The following WDR20 variants were observed in gnomAD, a reference collection of about 807,000 sequenced individuals.
WDR20 encodes the protein WD repeat-containing protein 20.
Under a neutral mutation model 38.7 loss-of-function variants are expected in WDR20, and 3 were observed. That is an observed-to-expected ratio of 0.08 (90% CI 0.04 to 0.20). The LOEUF (loss-of-function observed/expected upper bound fraction) is 0.20, where lower values mean the gene tolerates loss of function less well. Ranked by LOEUF, WDR20 falls within the 10% of genes least tolerant of loss-of-function variation. WDR20 has a pLI of 1.00. For synonymous variants in WDR20, 298 were observed against 285.6 expected, an observed-to-expected ratio of 1.04 and a Z score of -0.44; for missense variants, 559 against 727.7, an observed-to-expected ratio of 0.77 and a Z score of 2.67.
At chr14:102,216,394 T>A (rs2063225840), downstream of WDR20, among the ~76,000 whole-genome samples, 1 of 152,118 alleles carries the variant, frequency 6.6e-6, no homozygotes, top group Non-Finnish European at 1.5e-5. Flanking sequence ...CTGGGCTCAG[T>A]GATCCTCCCA....
At chr14:102,157,791 CT>C (rs1287931275) in intron 1 of WDR20, among the ~76,000 whole-genome samples, 1 of 152,116 alleles carries the variant, frequency 6.6e-6, no homozygotes, top group Non-Finnish European at 1.5e-5. Context: ...AGGGCTGAAG[CT>C]TGTGCAAGGC....
Position 102,207,666 on chromosome 14 carries a change from C to T in WDR20, c.433-937C>T, listed in dbSNP as rs180879817. Among the ~76,000 whole-genome samples the T allele has an allele frequency of 4.6e-5, 7 of 152,306 alleles. No individual in the cohort carries two copies. The highest frequency in any genetic ancestry group is 1.3e-4 in the Admixed American group (2 of 15,302). On this transcript the variant is annotated intron_variant, in intron 2 of 2. Transcript: ENST00000342702. The surrounding 1 kb of genome is among the most constrained non-coding windows in gnomAD (Gnocchi z 5.0). ...GATGTGTTCTGGTGATGCGATTTTG[C>T]GCTCAGACGGTCCAGAAAGGGACCG...
chr14:102,202,517 C>A (rs2060633192), intron 2 of WDR20, among the ~76,000 whole-genome samples: 1 of 151,202 alleles, frequency 6.6e-6, no homozygotes, highest in African/African-American at 2.4e-5. Context: ...GTAGCTGGGA[C>A]TACAGGCACC....
intron 1 of WDR20, among the ~76,000 whole-genome samples, chr14:102,150,534 A>G (rs1015249172): frequency 1.3e-5 from 2 of 152,174 alleles, no homozygotes; most frequent in Non-Finnish European, 2.9e-5. Flanking sequence ...CGCATTGTAG[A>G]TTATTGCTCT....
chr14:102,194,161 C>G (rs2059019541), intron 1 of WDR20, among the ~76,000 whole-genome samples: 2 of 152,180 alleles, frequency 1.3e-5, no homozygotes, highest in Non-Finnish European at 2.9e-5. Flanking sequence ...AACTTGTTTT[C>G]TCATCTGTAA....
intron 1 of WDR20, among the ~76,000 whole-genome samples, chr14:102,173,238 G>A (rs889207909): frequency 2.0e-5 from 3 of 150,896 alleles, no homozygotes; most frequent in African/African-American, 7.3e-5. Context: ...TCAGCCTCAC[G>A]AGCAGTTGGA....
chr14:102,213,034 C>T (rs546952590), downstream of WDR20: 43 of 990,392 alleles, frequency 4.3e-5, no homozygotes, highest in African/African-American at 4.7e-4. Flanking sequence ...GGCAAGGGGG[C>T]GAGCTGGTCC....
chr14:102,196,724 T>C (rs1159842753), intron 2 of WDR20, among the ~76,000 whole-genome samples: 1 of 152,182 alleles, frequency 6.6e-6, no homozygotes, highest in Non-Finnish European at 1.5e-5. Context: ...TCAGGCTGCA[T>C]TGGCCAGAAC....
downstream of WDR20, chr14:102,212,391 G>C (rs993036847): frequency 9.7e-7 from 1 of 1,027,174 alleles, no homozygotes; most frequent in East Asian, 2.6e-5. Flanking sequence ...CACTGTGCCA[G>C]CCTGGGGAGG....
At chr14:102,212,786 T>C, downstream of WDR20, 2 of 1,342,710 alleles carry the variant, frequency 1.5e-6, no homozygotes, top group Middle Eastern at 2.8e-4. Flanking sequence ...ATTTGTAGTT[T>C]TCTCGCCAAA....
intron 1 of WDR20, among the ~76,000 whole-genome samples, chr14:102,153,594 C>T (rs2056646470): frequency 6.6e-6 from 1 of 152,146 alleles, no homozygotes. Flanking sequence ...GCGTGAGCCA[C>T]CGCGCCCGGC....
chr14:102,167,075 C>T (rs2059910607), intron 1 of WDR20, among the ~76,000 whole-genome samples: 1 of 152,214 alleles, frequency 6.6e-6, no homozygotes, highest in South Asian at 2.1e-4. Flanking sequence ...ATTCCTAACA[C>T]AGCGTACAAG....
At chr14:102,199,996 G>C (rs1030309303) in intron 2 of WDR20, among the ~76,000 whole-genome samples, 1 of 152,174 alleles carries the variant, frequency 6.6e-6, no homozygotes, top group African/African-American at 2.4e-5. Flanking sequence ...TTCCATTGGG[G>C]GTGAAGGCAA....
chr14:102,210,237 G>T lies in WDR20; in HGVS notation c.*357G>T. 1 of 1,016,196 alleles carries T rather than the reference G, an allele frequency of 9.8e-7. No homozygotes were observed. Among genetic ancestry groups the T allele is most frequent in the Non-Finnish European group, 1.2e-6 (1 of 849,154 alleles). 62.9% of individuals were successfully genotyped at this position (1,016,196 alleles called of 1,614,324 possible). ...TGAAATTAAAATTTATGCTTTAACT[G>T]GAATATTTTTTGCTTAACTACTCAA... On this transcript the variant is annotated 3_prime_UTR_variant, in exon 3 of 3. Coordinates refer to ENST00000342702, the MANE Select transcript of WDR20 (RefSeq NM_144574.4).
intron 1 of WDR20, among the ~76,000 whole-genome samples, chr14:102,186,350 G>A (rs1280970473): frequency 6.6e-6 from 1 of 152,144 alleles, no homozygotes; most frequent in Non-Finnish European, 1.5e-5. Context: ...TAAACTGTTC[G>A]CCTACACATG....
In WDR20 at chr14:102,209,468, A is replaced by G; in HGVS notation, c.1298A>G (p.Asn433Ser). Reference protein sequence around the residue: ...NSVPPPLPRSNSLPHSAVSNA... With the variant: ...NSVPPPLPRSSSLPHSAVSNA... ...GTGCCGCCTCCTCTGCCACGGTCCA[A>G]CAGCCTTCCACATTCAGCAGTCTCA... Residue 433 changes from asparagine (N) to serine (S), a missense_variant, in exon 3 of 3, where the codon AAC becomes AGC. Asn to Ser is a conservative substitution (Grantham distance 46, BLOSUM62 1). Coordinates refer to ENST00000342702, the MANE Select transcript of WDR20 (RefSeq NM_144574.4). The surrounding 1 kb of genome is among the most constrained non-coding windows in gnomAD (Gnocchi z 6.0). 2 of 1,614,168 alleles carry G rather than the reference A, an allele frequency of 1.2e-6. No homozygotes were observed. The highest frequency in any genetic ancestry group is 1.7e-6 in the Non-Finnish European group (2 of 1,180,030).
At position 102,172,848 on chromosome 14, in the gene WDR20, C is replaced by T. The variant is rs1002178070; in HGVS notation, c.250-22090C>T. On this transcript the variant is annotated intron_variant, in intron 1 of 2. Transcript: ENST00000342702. ...TGCCGGGCGGAGGGTCTCCTCACTTCTCAGACGGGGCGGTTGCCAGGCGGA... is the reference window on the plus strand; with the variant it reads ...TGCCGGGCGGAGGGTCTCCTCACTTTTCAGACGGGGCGGTTGCCAGGCGGA... Among the ~76,000 whole-genome samples the T allele has an allele frequency of 1.9e-4, 29 of 149,290 alleles. 2 individuals carry two copies. The highest frequency in any genetic ancestry group is 1.7e-3 in the Admixed American group (26 of 15,042).
In WDR20 at chr14:102,207,938, C is replaced by G. The variant is rs148536483; in HGVS notation, c.433-665C>G. On this transcript the variant is annotated intron_variant, in intron 2 of 2. Coordinates refer to ENST00000342702, the MANE Select transcript of WDR20 (RefSeq NM_144574.4). This position sits in a 1 kb window ranked among gnomAD's most constrained non-coding sequence, Gnocchi z 5.0. ...ATCGTCAGTGTATCTCTCTCAACACCAGCAGAGAGGGTTTCGAGGAGATGC... is the reference window on the plus strand; with the variant it reads ...ATCGTCAGTGTATCTCTCTCAACACGAGCAGAGAGGGTTTCGAGGAGATGC... 9.3e-3 allele frequency among the ~76,000 whole-genome samples: 1,414 copies of G among 152,294 alleles called. 5 individuals are homozygous for G. The highest frequency in any genetic ancestry group is 0.02 in the Middle Eastern group (6 of 294).
Position 102,194,992 on chromosome 14 carries a change from A to G in WDR20, c.304A>G (p.Thr102Ala), listed in dbSNP as rs761322073. The G allele has an allele frequency of 3.1e-6, 5 of 1,614,232 alleles. No homozygotes were observed. Among genetic ancestry groups the G allele is most frequent in the Non-Finnish European group, 4.2e-6 (5 of 1,180,036 alleles). The change falls in exon 2 of 3, where the codon ACT becomes GCT. Residue 102 changes from threonine to alanine, a missense_variant. Coordinates refer to ENST00000342702, the MANE Select transcript of WDR20 (RefSeq NM_144574.4). ...DKRIYKGTQP[T>A]CHDFNHLTAT... ...AAGGATATACAAAGGAACACAGCCT[A>G]CTTGTCATGACTTCAACCACCTAAC...
Sources: allele counts gnomAD v4.1 joint callset (sites outside exome capture counted in the v4.1 genomes callset), GRCh38; gene constraint gnomAD v4.1.1; non-coding constraint Gnocchi (gnomAD v3.1); transcripts MANE v1.5; gene names NCBI Gene and HGNC (gene_info 2026-07-23, HGNC 2026-07-21).